AVL9: variants seen among roughly 807,000 people sequenced by gnomAD.
AVL9 encodes AVL9 cell migration associated.
In AVL9, 49 loss-of-function variants were observed where a neutral mutation model predicts 79.2. The observed-to-expected ratio is 0.62, with a 90% CI of 0.49 to 0.79. AVL9 has a LOEUF of 0.79. Among genes scored for constraint, AVL9 ranks in the 30% least tolerant of loss-of-function variants. The probability of loss-of-function intolerance (pLI) is 0.00; values close to 1 mark genes in which losing one functional copy is unlikely to be tolerated. For synonymous variants in AVL9, 299 were observed against 280.6 expected (o/e 1.07, Z -0.65); for missense variants, 682 against 776.8 (o/e 0.88, Z 1.45).
intron 1 of AVL9, chr7:32,537,988 C>G (rs1788992837): frequency 6.6e-6 from 1 of 152,162 alleles, no homozygotes; most frequent in East Asian, 1.9e-4. Flanking sequence ...ATACTCTGGG[C>G]CCAAGTCAGG....
At chr7:32,505,671 G>A (rs1787382728) in intron 1 of AVL9, among the ~76,000 whole-genome samples, 1 of 152,080 alleles carries the variant, frequency 6.6e-6, no homozygotes, top group African/African-American at 2.4e-5. Flanking sequence ...TAGTACAGAG[G>A]TAGGAGATAT....
In AVL9 at chr7:32,570,138, G is replaced by T; in HGVS notation, c.1334G>T (p.Ser445Ile). The change falls in exon 11 of 16, where the codon AGT (serine) becomes ATT (isoleucine). Residue 445 changes from serine to isoleucine, a missense_variant. Ser to Ile is a moderately radical substitution (Grantham distance 142). Coordinates refer to ENST00000318709, the MANE Select transcript of AVL9 (RefSeq NM_015060.3). Reference protein sequence around the residue: ...NILFRQQKHLSDAIVEVEEAL... With the variant: ...NILFRQQKHLIDAIVEVEEAL... The stretch of plus-strand genomic sequence containing the variant: ...CTTTTTCGACAACAGAAACACCTCA[G>T]TGATGCCATTGTGGAAGTACGTTTA... 5 of 1,614,182 alleles carry T rather than the reference G, an allele frequency of 3.1e-6. No individual in the cohort carries two copies. Among genetic ancestry groups the T allele is most frequent in the Non-Finnish European group, 4.2e-6 (5 of 1,180,020 alleles).
chr7:32,517,204 G>A (rs1261029794), intron 1 of AVL9, among the ~76,000 whole-genome samples: 2 of 151,920 alleles, frequency 1.3e-5, no homozygotes, highest in Non-Finnish European at 2.9e-5. Context: ...TATGTGTTTT[G>A]GCCACAGGGA....
At chr7:32,512,009 A>T (rs929471191) in intron 1 of AVL9, among the ~76,000 whole-genome samples, 2 of 152,230 alleles carry the variant, frequency 1.3e-5, no homozygotes, top group Non-Finnish European at 2.9e-5. Context: ...ATTATGAAAC[A>T]TACATTTATC....
At chr7:32,509,968 A>AG (rs1334776827) in intron 1 of AVL9, among the ~76,000 whole-genome samples, 1 of 152,264 alleles carries the variant, frequency 6.6e-6, no homozygotes, top group Non-Finnish European at 1.5e-5. Context: ...ATCATGGAAA[A>AG]GGGGTCCTTG....
chr7:32,550,369 G>T (rs1789755405), intron 4 of AVL9, among the ~76,000 whole-genome samples: 1 of 151,014 alleles, frequency 6.6e-6, no homozygotes, highest in African/African-American at 2.4e-5. Context: ...ATAAAATTGG[G>T]GTAAAAAAAT....
chr7:32,497,762 C>T (rs1786918726), intron 1 of AVL9, among the ~76,000 whole-genome samples: 1 of 151,880 alleles, frequency 6.6e-6, no homozygotes, highest in Admixed American at 6.6e-5. Flanking sequence ...CACCATTCTC[C>T]TGCCTCAGCC....
intron 15 of AVL9, among the ~76,000 whole-genome samples, chr7:32,583,222 A>G (rs1006600262): frequency 1.3e-5 from 2 of 152,206 alleles, no homozygotes; most frequent in African/African-American, 4.8e-5. Context: ...CAGTGTTGCT[A>G]GCACTGAGGG....
chr7:32,512,711 C>G (rs555630038), intron 1 of AVL9, among the ~76,000 whole-genome samples: 3 of 152,230 alleles, frequency 2.0e-5, no homozygotes, highest in Admixed American at 6.5e-5. Context: ...AAACTGTGCC[C>G]CAAAGAGCTG....
At chr7:32,552,126 C>A (rs1789859675) in intron 5 of AVL9, 103 bp from the exon 6 acceptor site, 1 of 719,978 alleles carries the variant, frequency 1.4e-6, no homozygotes, top group South Asian at 1.6e-5. Flanking sequence ...CCTAGCAGAA[C>A]AAACTACCTC....
chr7:32,587,745 CCATGCAG>C lies in AVL9; in HGVS notation c.*3842_*3848del, dbSNP rs1791860040. 1 of 152,176 alleles carries C rather than the reference CCATGCAG, an allele frequency of 6.6e-6. No homozygotes were observed. The highest frequency in any genetic ancestry group is 6.5e-5 in the Admixed American group (1 of 15,270). 9.4% of individuals were successfully genotyped at this position (152,176 alleles called of 1,614,324 possible). Reference sequence around the variant, plus strand: ...TAATTCCCCGAGGATGATTGTCATTCCATGCAGCATAATGTGCCGTGAGGAGTTTTCT... The same window carrying C: ...TAATTCCCCGAGGATGATTGTCATTCCATAATGTGCCGTGAGGAGTTTTCT... On this transcript the variant is annotated 3_prime_UTR_variant, in exon 16 of 16. Coordinates refer to ENST00000318709, the MANE Select transcript of AVL9 (RefSeq NM_015060.3).
chr7:32,583,302 T>C (rs1791599612), intron 15 of AVL9, among the ~76,000 whole-genome samples: 1 of 152,244 alleles, frequency 6.6e-6, no homozygotes, highest in Non-Finnish European at 1.5e-5. Flanking sequence ...TAAAAAATCA[T>C]CTATTTTTCC....
chr7:32,583,519 A>C (rs1006370111), intron 15 of AVL9, among the ~76,000 whole-genome samples: 1 of 151,976 alleles, frequency 6.6e-6, no homozygotes, highest in African/African-American at 2.4e-5. Flanking sequence ...TCTCTACAAA[A>C]AATCAAAAAA....
Position 32,573,318 on chromosome 7 carries a change from C to A in AVL9, c.1470C>A (p.Asp490Glu), listed in dbSNP as rs1247530454. The part of the protein sequence containing the change: ...LVRHVTENRD[D>E]VFLDGTGWEG... ...GGCACGTGACTGAGAATCGGGATGACGTCTTCCTAGATGGCACGGGCTGGG... is the reference window on the plus strand; with the variant it reads ...GGCACGTGACTGAGAATCGGGATGAAGTCTTCCTAGATGGCACGGGCTGGG... The change falls in exon 12 of 16, where the codon GAC becomes GAA. Residue 490 changes from aspartate (D) to glutamate (E), a missense_variant. Physicochemically the swap from Asp to Glu is conservative, Grantham distance 45. Coordinates refer to ENST00000318709, the MANE Select transcript of AVL9 (RefSeq NM_015060.3). 2 of 1,613,730 alleles carry A rather than the reference C, an allele frequency of 1.2e-6. No individual in the cohort carries two copies. Among genetic ancestry groups the A allele is most frequent in the African/African-American group, 2.7e-5 (2 of 74,776 alleles).
intron 10 of AVL9, among the ~76,000 whole-genome samples, chr7:32,566,333 C>T (rs974382997): frequency 1.4e-4 from 21 of 149,676 alleles, no homozygotes; most frequent in Admixed American, 2.0e-4. Flanking sequence ...CCTGCCACCA[C>T]GCCCAGCTAA....
chr7:32,575,296 G>A (rs1791039531), intron 12 of AVL9, among the ~76,000 whole-genome samples: 1 of 152,036 alleles, frequency 6.6e-6, no homozygotes, highest in African/African-American at 2.4e-5. Flanking sequence ...ACAGGGTTTT[G>A]CCATGTCGGC....
At chr7:32,564,415 C>A (rs1583583103) in intron 10 of AVL9, among the ~76,000 whole-genome samples, 3 of 152,086 alleles carry the variant, frequency 2.0e-5, no homozygotes, top group Admixed American at 2.0e-4. Context: ...TCTTGAAGAT[C>A]TTAAAATCCT....
At chr7:32,554,792 C>T (rs1438628205) in intron 8 of AVL9, among the ~76,000 whole-genome samples, 196 bp downstream of exon 8, 1 of 152,124 alleles carries the variant, frequency 6.6e-6, no homozygotes, top group Non-Finnish European at 1.5e-5. Flanking sequence ...AGGTAACATA[C>T]AACTCAATTT....
chr7:32,559,255 C>A lies in AVL9; in HGVS notation c.1006C>A (p.Pro336Thr), dbSNP rs368685201. The change falls in exon 10 of 16, where the codon CCT (proline) becomes ACT (threonine). Residue 336 changes from proline (P) to threonine (T), a missense_variant. By Grantham distance (38) the Pro-to-Thr change is conservative (BLOSUM62 -1). Coordinates refer to ENST00000318709, the MANE Select transcript of AVL9 (RefSeq NM_015060.3). Reference sequence around the variant, plus strand: ...AGAAAGTGACTGGGAAACTTTGGATCCTAGTGTCTTAGAGGACCCCAACTT... The same window carrying A: ...AGAAAGTGACTGGGAAACTTTGGATACTAGTGTCTTAGAGGACCCCAACTT... ...SSESDWETLD[P>T]SVLEDPNLKE... The A allele has an allele frequency of 1.2e-6, 2 of 1,614,224 alleles. No individual in the cohort carries two copies. Among genetic ancestry groups the A allele is most frequent in the African/African-American group, 2.7e-5 (2 of 75,064 alleles).
Sources: allele counts gnomAD v4.1 joint callset (sites outside exome capture counted in the v4.1 genomes callset), GRCh38; gene constraint gnomAD v4.1.1; transcripts MANE v1.5; gene names NCBI Gene and HGNC (gene_info 2026-07-23, HGNC 2026-07-21).